Variants in CHRM3 observed in about 807,000 individuals in gnomAD.
The protein encoded by CHRM3 is muscarinic acetylcholine receptor M3.
Under a neutral mutation model 41.8 loss-of-function variants are expected in CHRM3, and 11 were observed. That is an observed-to-expected ratio of 0.26 (90% CI 0.17 to 0.44). The LOEUF (loss-of-function observed/expected upper bound fraction) is 0.44, where lower values mean the gene tolerates loss of function less well. Among genes scored for constraint, CHRM3 ranks in the 20% least tolerant of loss-of-function variants. The pLI is 1.00. For synonymous variants in CHRM3, 297 were observed against 301.4 expected (o/e 0.99, Z 0.15); for missense variants, 571 against 745.4 (o/e 0.77, Z 2.72).
chr1:239,657,122 C>T (rs1001720127), intron 4 of CHRM3, among the ~76,000 whole-genome samples: 1 of 152,164 alleles, frequency 6.6e-6, no homozygotes, highest in African/African-American at 2.4e-5. Context: ...GGTACATTTG[C>T]ACACACATGT....
At chr1:239,421,787 A>G (rs759194829) in intron 1 of CHRM3, among the ~76,000 whole-genome samples, 1 of 152,064 alleles carries the variant, frequency 6.6e-6, no homozygotes, top group Non-Finnish European at 1.5e-5. Context: ...ATTTCTCTAT[A>G]TTAGGCTAGT....
At chr1:239,460,261 C>T (rs777068911) in intron 1 of CHRM3, among the ~76,000 whole-genome samples, 1 of 152,076 alleles carries the variant, frequency 6.6e-6, no homozygotes, top group African/African-American at 2.4e-5. Context: ...AAGAGTGGAC[C>T]TTTTGTACTT....
At chr1:239,783,132 G>T (rs1668628823) in intron 5 of CHRM3, among the ~76,000 whole-genome samples, 2 of 152,092 alleles carry the variant, frequency 1.3e-5, no homozygotes, top group South Asian at 4.1e-4. Context: ...GTATTTTTGA[G>T]CTCAACTATG....
intron 2 of CHRM3, among the ~76,000 whole-genome samples, chr1:239,529,931 T>C (rs1425280486): frequency 2.0e-5 from 3 of 152,178 alleles, no homozygotes; most frequent in South Asian, 2.1e-4. Flanking sequence ...AGAGTCTCGC[T>C]CTGTCGCCCA....
Position 239,387,412 on chromosome 1 carries a change from A to G in CHRM3, c.-521+185A>G, listed in dbSNP as rs1440065353. On this transcript the variant is annotated intron_variant, in intron 1 of 6. Coordinates refer to ENST00000676153, the MANE Select transcript of CHRM3 (RefSeq NM_001375978.1). This position sits in a 1 kb window ranked among gnomAD's most constrained non-coding sequence, Gnocchi z 5.1. ...GAGAGAGGCTGTTGATTTGGGGAAG[A>G]TGGGGGCACTTGAATTCCGACAGCG... Among the ~76,000 whole-genome samples, 1 of 151,940 alleles carries G rather than the reference A, an allele frequency of 6.6e-6. No homozygotes were observed. Among genetic ancestry groups the G allele is most frequent in the Non-Finnish European group, 1.5e-5 (1 of 67,998 alleles).
chr1:239,783,566 A>G (rs1668664795), intron 5 of CHRM3, among the ~76,000 whole-genome samples: 1 of 152,216 alleles, frequency 6.6e-6, no homozygotes. Context: ...AGAAGTGAGT[A>G]AATAGTCAAA....
intron 5 of CHRM3, among the ~76,000 whole-genome samples, chr1:239,727,356 C>A (rs1663537263): frequency 6.6e-6 from 1 of 151,894 alleles, no homozygotes; most frequent in Admixed American, 6.6e-5. Flanking sequence ...TTCATAATTT[C>A]TTGGCCAATT....
intron 1 of CHRM3, among the ~76,000 whole-genome samples, chr1:239,469,536 C>CA (rs1487284726): frequency 2.0e-5 from 3 of 152,116 alleles, no homozygotes; most frequent in African/African-American, 7.2e-5. Flanking sequence ...CAGCCTTGAG[C>CA]ACTTTTTTAA....
At chr1:239,530,931 A>G (rs2148328053) in intron 2 of CHRM3, among the ~76,000 whole-genome samples, 1 of 152,334 alleles carries the variant, frequency 6.6e-6, no homozygotes, top group Middle Eastern at 3.4e-3. Context: ...AATGGCCAAA[A>G]CATCCCAATT....
chr1:239,902,060 G>A (rs147263526), intron 6 of CHRM3, among the ~76,000 whole-genome samples: 10 of 152,232 alleles, frequency 6.6e-5, no homozygotes, highest in Middle Eastern at 3.4e-3. Context: ...AGTGTTTGCA[G>A]TTTCAAAGCC....
At chr1:239,881,151 T>C (rs374763884) in intron 6 of CHRM3, among the ~76,000 whole-genome samples, 2,181 of 151,030 alleles carry the variant, frequency 0.014, 53 homozygotes, top group African/African-American at 0.047. Flanking sequence ...GGCGTGGTGG[T>C]GGGCGCCTGT....
At chr1:239,407,791 T>C (rs1660729455) in intron 1 of CHRM3, among the ~76,000 whole-genome samples, 1 of 151,994 alleles carries the variant, frequency 6.6e-6, no homozygotes, top group Non-Finnish European at 1.5e-5. Context: ...TAGTTTCTAA[T>C]TAAAAAAAAT....
At position 239,908,666 on chromosome 1, in the gene CHRM3, C is replaced by T. The variant is rs201022119; in HGVS notation, c.1215C>T (p.Ala405=). 5.0e-6 allele frequency: 8 copies of T among 1,612,668 alleles called. No individual in the cohort carries two copies. The highest frequency in any genetic ancestry group is 5.1e-6 in the Non-Finnish European group (6 of 1,179,404). ...ELGMVDLERK[A]DKLQAQKSVD... ...GGATGGTGGACTTGGAGAGGAAAGC[C>T]GACAAGCTGCAGGCCCAGAAGAGCG... Residue 405 remains alanine, a synonymous_variant, in exon 7 of 7, where the codon GCC becomes GCT. Coordinates refer to ENST00000676153, the MANE Select transcript of CHRM3 (RefSeq NM_001375978.1). This position sits in a 1 kb window ranked among gnomAD's most constrained non-coding sequence, Gnocchi z 7.2.
chr1:239,688,227 A>G (rs866065094), intron 5 of CHRM3, among the ~76,000 whole-genome samples: 4 of 148,440 alleles, frequency 2.7e-5, no homozygotes, highest in Admixed American at 1.4e-4. Context: ...ACATGCACAT[A>G]TATGTATTAT....
rs1572673373 is a variant in CHRM3, at chr1:239,913,978, A to G, written c.*4754A>G. The G allele has an allele frequency of 1.2e-5, 2 of 167,108 alleles. No individual in the cohort carries two copies. The highest frequency in any genetic ancestry group is 1.3e-4 in the Admixed American group (2 of 15,308). The allele number at this position is 167,108 out of a possible 1,614,324, so 10.4% of individuals were successfully genotyped here. A position where few individuals can be genotyped will look rare whatever the true frequency, so the allele number is the denominator to read the frequency against. On this transcript the variant is annotated 3_prime_UTR_variant, in exon 7 of 7. Coordinates refer to ENST00000676153, the MANE Select transcript of CHRM3 (RefSeq NM_001375978.1). The stretch of plus-strand genomic sequence containing the variant: ...TCTGGTCTGGGCTGAGACCACCCCA[A>G]AAAATCATCTAGAGAATCAAAGGGG...
chr1:239,765,979 G>T (rs898591706), intron 5 of CHRM3, among the ~76,000 whole-genome samples: 8 of 151,876 alleles, frequency 5.3e-5, no homozygotes, highest in Admixed American at 3.9e-4. Context: ...ACCACACCAG[G>T]CTAATTTTTG....
At chr1:239,566,600 T>C (rs16838528) in intron 3 of CHRM3, among the ~76,000 whole-genome samples, 11,675 of 152,234 alleles carry the variant, frequency 0.077, 742 homozygotes, top group African/African-American at 0.17. Flanking sequence ...GAGACCCGGG[T>C]TAATTATTTA....
At chr1:239,712,143 T>C (rs78335566) in intron 5 of CHRM3, among the ~76,000 whole-genome samples, 1,957 of 152,310 alleles carry the variant, frequency 0.013, 54 homozygotes, top group African/African-American at 0.045. Flanking sequence ...TATCCATCTT[T>C]GTCATGAGCA....
At chr1:239,490,839 C>T (rs563096306) in intron 1 of CHRM3, among the ~76,000 whole-genome samples, 108 of 152,214 alleles carry the variant, frequency 7.1e-4, no homozygotes, top group Admixed American at 1.4e-3. Flanking sequence ...CTCATTCTTC[C>T]GGGGCTGACT....
Sources: gnomAD v4.1 joint callset for allele counts (sites outside exome capture counted in the v4.1 genomes callset) on GRCh38, gnomAD v4.1.1 for gene constraint, Gnocchi (gnomAD v3.1) non-coding constraint, MANE v1.5 for transcripts, NCBI Gene and HGNC (gene_info 2026-07-23, HGNC 2026-07-21) for gene names.